Variants in SLC49A3 observed in about 807,000 individuals in gnomAD.
The protein encoded by SLC49A3 is solute carrier family 49 member 3.
Under a neutral mutation model 43.8 loss-of-function variants are expected in SLC49A3, and 50 were observed. That is an observed-to-expected ratio of 1.14 (90% CI 0.91 to 1.45). SLC49A3 has a LOEUF of 1.45. SLC49A3 is among the 40% of genes most tolerant of loss of function. SLC49A3 has a pLI of 0.00. For synonymous variants in SLC49A3, 413 were observed against 352.0 expected (o/e 1.17, Z -1.94); for missense variants, 906 against 774.1 (o/e 1.17, Z -2.02).
chr4:678,044 G>C, downstream of SLC49A3: 1 of 1,613,180 alleles, frequency 6.2e-7, no homozygotes, highest in Non-Finnish European at 8.5e-7. Flanking sequence ...GCAGGCCGCC[G>C]TGCATGCCTG....
At chr4:680,673 G>C (rs760117903), downstream of SLC49A3, 10 of 1,382,454 alleles carry the variant, frequency 7.2e-6, no homozygotes, top group Non-Finnish European at 9.1e-6. Context: ...TCAGCCACCA[G>C]ATGCCACGCC....
At chr4:677,694 C>T (rs548151155), downstream of SLC49A3, among the ~76,000 whole-genome samples, 5 of 152,306 alleles carry the variant, frequency 3.3e-5, no homozygotes, top group East Asian at 7.7e-4. Flanking sequence ...GGCCCCCAGC[C>T]AAGAGCGTGT....
rs753544271 is a variant in SLC49A3 at position 683,576 on chromosome 4, C to T, written c.993+33G>A. 6.3e-6 allele frequency: 10 copies of T among 1,590,136 alleles called. No homozygotes were observed. In the African/African-American group the frequency reaches 1.2e-4, roughly 19 times the overall value. ...CCGGGCCTCACCACCCACCCACCCC[C>T]ACAGGGCAGTCTTGGCTTGAGGAGA... is the stretch of plus-strand genomic sequence containing the variant. On this transcript the variant is annotated intron_variant, in intron 7 of 9. Coordinates refer to ENST00000322224, the MANE Select transcript of SLC49A3 (RefSeq NM_032219.4).
rs775214097 is a variant in SLC49A3, at chr4:682,152, C to T, written c.1486G>A (p.Ala496Thr). 8 of 1,337,440 alleles carry T rather than the reference C, an allele frequency of 6.0e-6. No individual in the cohort carries two copies. The Admixed American group carries it at 1.1e-4, about 18-fold the overall frequency. The allele number at this position is 1,337,440 out of a possible 1,614,324, so 82.8% of individuals were successfully genotyped here. ...GGCCCTCTGGGGTCCTCTAGCGAGG[C>T]CCCCCTCGCCGTGCACTCCGGAGTC... ...TATPECTARG[A>T]SLEDPRGPGS... is the part of the protein sequence containing the mutation. The change falls in exon 10 of 10, where the codon GCC becomes ACC. Residue 496 changes from alanine (A) to threonine (T), a missense_variant. By Grantham distance (58) the Ala-to-Thr change is moderately conservative. Transcript: ENST00000322224.
At chr4:678,172 G>A, downstream of SLC49A3, 1 of 1,539,594 alleles carries the variant, frequency 6.5e-7, no homozygotes, top group Non-Finnish European at 8.8e-7. Flanking sequence ...CTGCATATGT[G>A]TGTGCATGAG....
chr4:686,807 A>C, intron 1 of SLC49A3, 117 bp from the exon 2 acceptor site: 1 of 1,327,834 alleles, frequency 7.5e-7, no homozygotes. Context: ...GAGGGGACAC[A>C]GCGAGCTGGA....
At position 682,262 on chromosome 4, in the gene SLC49A3, C is replaced by T. The variant is rs372497244; in HGVS notation, c.1376G>A (p.Arg459His). The T allele has an allele frequency of 6.9e-5, 95 of 1,377,224 alleles. No individual in the cohort carries two copies. The highest frequency in any genetic ancestry group is 8.6e-5 in the Non-Finnish European group (91 of 1,054,372). The allele number at this position is 1,377,224 out of a possible 1,614,324, so 85.3% of individuals were successfully genotyped here. A position where few individuals can be genotyped will look rare whatever the true frequency, so the allele number is the denominator to read the frequency against. ...TGAGTCTGCGCCGCCCACGGCGTTACGGGTGGAGGGGGGCTCCCCAGACTC... is the reference window on the plus strand; with the variant it reads ...TGAGTCTGCGCCGCCCACGGCGTTATGGGTGGAGGGGGGCTCCCCAGACTC... ...QAESGEPPST[R>H]NAVGGADSGP... Residue 459 changes from arginine (R) to histidine (H), a missense_variant, in exon 10 of 10, where the codon CGT becomes CAT. Arg to His is a conservative substitution (Grantham distance 29). Coordinates refer to ENST00000322224, the MANE Select transcript of SLC49A3 (RefSeq NM_032219.4).
In SLC49A3 at chr4:685,964, C is replaced by G; in HGVS notation, c.509-53G>C. ...GCTCGGCTGTGGCCTGGCTTCATCG[C>G]CAGCCCACAGGCAGAACCTTCCGGG... On this transcript the variant is annotated intron_variant, in intron 3 of 9. Transcript: ENST00000322224. The surrounding 1 kb of genome is among the most constrained non-coding windows in gnomAD (Gnocchi z 4.3). 6.2e-7 allele frequency: 1 copy of G among 1,612,264 alleles called. No homozygotes were observed. Among genetic ancestry groups the G allele is most frequent in the South Asian group, 1.1e-5 (1 of 90,930 alleles).
In SLC49A3 at chr4:686,077, C is replaced by A; in HGVS notation, c.508+12G>T. The A allele has an allele frequency of 6.2e-7, 1 of 1,612,742 alleles. No homozygotes were observed. Among genetic ancestry groups the A allele is most frequent in the Non-Finnish European group, 8.5e-7 (1 of 1,179,872 alleles). On this transcript the variant is annotated intron_variant, in intron 3 of 9. Coordinates refer to ENST00000322224, the MANE Select transcript of SLC49A3 (RefSeq NM_032219.4). ...TGAGCCCAGGCAGGCGGCCTCCCTC[C>A]CCGGAACTCACACATGGTGGCGAGC... is the stretch of plus-strand genomic sequence containing the variant.
downstream of SLC49A3, chr4:681,774 C>T: frequency 8.2e-7 from 1 of 1,217,588 alleles, no homozygotes; most frequent in Non-Finnish European, 1.0e-6. Context: ...TCACCCCGCA[C>T]CCGGGCCCCT....
chr4:680,160 C>A, downstream of SLC49A3: 1 of 813,046 alleles, frequency 1.2e-6, no homozygotes. Context: ...AACTGTGGGG[C>A]CCCGTCAGCC....
chr4:683,563 A>AC, intron 7 of SLC49A3, 46 bp downstream of exon 7: 1 of 1,123,072 alleles, frequency 8.9e-7, no homozygotes. Context: ...GGGCCTCACC[A>AC]CCCACCCACC....
downstream of SLC49A3, chr4:680,821 C>T (rs1739396517): frequency 1.6e-6 from 1 of 630,654 alleles, no homozygotes; most frequent in Admixed American, 2.9e-5. Flanking sequence ...TCAGCCCACT[C>T]CTCCATCTTC....
downstream of SLC49A3, chr4:681,017 G>C (rs1739424601): frequency 6.6e-7 from 1 of 1,517,256 alleles, no homozygotes; most frequent in Non-Finnish European, 8.9e-7. Context: ...TGGGGCCCCT[G>C]GAGCACCTGA....
intron 8 of SLC49A3, 27 bp from the exon 9 acceptor site, chr4:682,917 G>T: frequency 6.5e-7 from 1 of 1,535,892 alleles, no homozygotes. Flanking sequence ...CTCAGCCCCC[G>T]CTGCACTGCC....
upstream of SLC49A3, among the ~76,000 whole-genome samples, chr4:690,323 T>C (rs1741775378): frequency 6.6e-6 from 1 of 152,060 alleles, no homozygotes; most frequent in Non-Finnish European, 1.5e-5. Flanking sequence ...CTGAGACGTG[T>C]GATGGAGCCC....
At chr4:678,908 G>C, downstream of SLC49A3, 8 of 1,610,742 alleles carry the variant, frequency 5.0e-6, no homozygotes, top group Non-Finnish European at 6.8e-6. Context: ...AGGGGGCGGG[G>C]CAGAGCCCAG....
chr4:689,269 T>C, upstream of SLC49A3: 1 of 445,136 alleles, frequency 2.2e-6, no homozygotes, highest in Non-Finnish European at 3.5e-6. Context: ...CCCCAAGGAC[T>C]ACGGAGGAGG....
rs1329020440 is a variant in SLC49A3 at position 682,297 on chromosome 4, G to T, written c.1341C>A (p.Arg447=). The T allele has an allele frequency of 7.4e-6, 10 of 1,353,312 alleles. No homozygotes were observed. Among genetic ancestry groups the T allele is most frequent in the Non-Finnish European group, 9.6e-6 (10 of 1,043,280 alleles). 83.8% of individuals were successfully genotyped at this position (1,353,312 alleles called of 1,614,324 possible). The change falls in exon 10 of 10, where the codon CGC becomes CGA. Residue 447 remains arginine (R), a synonymous_variant. Transcript: ENST00000322224. ...GGGGCTCCCCAGACTCGGCCTGCAG[G>T]CGCCGGTATGGGGTGTGGAAGAAGA... is the stretch of plus-strand genomic sequence containing the variant. ...LAVFFHTPYR[R]LQAESGEPPS... is the part of the protein sequence containing the mutation.
Sources: allele counts gnomAD v4.1 joint callset (sites outside exome capture counted in the v4.1 genomes callset), GRCh38; gene constraint gnomAD v4.1.1; non-coding constraint Gnocchi (gnomAD v3.1); transcripts MANE v1.5; gene names NCBI Gene and HGNC (gene_info 2026-07-23, HGNC 2026-07-21).